The following ARID4B variants were observed in gnomAD, a reference collection of about 807,000 sequenced individuals.
ARID4B encodes AT-rich interactive domain-containing protein 4B.
Under a neutral mutation model 147.5 loss-of-function variants are expected in ARID4B, and 26 were observed. The observed-to-expected ratio is 0.18, with a 90% confidence interval of 0.13 to 0.24. The LOEUF (loss-of-function observed/expected upper bound fraction) is 0.24, where lower values mean the gene tolerates loss of function less well. Ranked by LOEUF, ARID4B falls within the 10% of genes least tolerant of loss-of-function variation. The pLI is 1.00. For synonymous variants in ARID4B, 512 were observed against 507.9 expected (o/e 1.01, Z -0.11); for missense variants, 1,179 against 1,511.5 (o/e 0.78, Z 3.65).
At chr1:235,175,652 A>G (rs922099873) in intron 21 of ARID4B, 1 of 433,748 alleles carries the variant, frequency 2.3e-6, no homozygotes, top group African/African-American at 2.0e-5. Context: ...TGCTTGGTAG[A>G]CTGTCAAATA....
chr1:235,275,937 G>C (rs1195794537), intron 2 of ARID4B, among the ~76,000 whole-genome samples: 3 of 152,198 alleles, frequency 2.0e-5, no homozygotes, highest in Non-Finnish European at 2.9e-5. Context: ...AGGAGTTCAA[G>C]ACCAGCCGGG....
rs1380878663 is a variant in ARID4B, at chr1:235,196,069, T to C, written c.1888A>G (p.Lys630Glu). The change falls in exon 18 of 24, where the codon AAA (lysine) becomes GAA (glutamate). Residue 630 changes from lysine (K) to glutamate (E), a missense_variant. By Grantham distance (56) the Lys-to-Glu change is moderately conservative. This residue lies in a region of ARID4B where 321 missense variants were observed against 342.4 expected (regional missense o/e 0.94). Transcript: ENST00000264183. The part of the protein sequence containing the change: ...KADKIVRPAD[K>E]NVPKIKHRKK... The stretch of plus-strand genomic sequence containing the variant: ...CGATGTTTTATCTTTGGCACATTTT[T>C]ATCAGCAGGTCTTACTATTTTATCT... 6.2e-7 allele frequency: 1 copy of C among 1,601,818 alleles called. No individual in the cohort carries two copies. Among genetic ancestry groups the C allele is most frequent in the Non-Finnish European group, 8.5e-7 (1 of 1,174,670 alleles).
intron 2 of ARID4B, among the ~76,000 whole-genome samples, chr1:235,272,584 A>T (rs1212083213): frequency 6.6e-6 from 1 of 152,152 alleles, no homozygotes; most frequent in Non-Finnish European, 1.5e-5. Context: ...TTAGGTTCAT[A>T]ACTTACTAGA....
intron 9 of ARID4B, among the ~76,000 whole-genome samples, chr1:235,233,930 T>C (rs1668399328): frequency 6.6e-6 from 1 of 152,036 alleles, no homozygotes; most frequent in Non-Finnish European, 1.5e-5. Flanking sequence ...AATATAAAAA[T>C]TAGCTGGGTG....
At chr1:235,197,553 G>A (rs1171029627) in intron 17 of ARID4B, among the ~76,000 whole-genome samples, 3 of 152,178 alleles carry the variant, frequency 2.0e-5, no homozygotes, top group Non-Finnish European at 4.4e-5. Flanking sequence ...GATGCTGAGG[G>A]CCGTAATAAG....
intron 2 of ARID4B, among the ~76,000 whole-genome samples, chr1:235,271,281 G>C (rs1195793160): frequency 1.3e-5 from 2 of 152,168 alleles, no homozygotes; most frequent in African/African-American, 4.8e-5. Context: ...CTTGAGCCCA[G>C]GAGGTTGTGG....
chr1:235,225,605 T>G (rs1262705746), intron 11 of ARID4B, among the ~76,000 whole-genome samples: 1 of 152,200 alleles, frequency 6.6e-6, no homozygotes, highest in Non-Finnish European at 1.5e-5. Flanking sequence ...AGCCTACTGT[T>G]ACAGAACATG....
chr1:235,313,556 G>A (rs965294634), intron 2 of ARID4B, among the ~76,000 whole-genome samples: 7 of 152,120 alleles, frequency 4.6e-5, no homozygotes, highest in Non-Finnish European at 8.8e-5. Context: ...CATCAGAACA[G>A]TATTCTGATC....
At chr1:235,230,441 CAAAA>C (rs925591735) in intron 10 of ARID4B, among the ~76,000 whole-genome samples, 1 of 100,310 alleles carries the variant, frequency 1.0e-5, no homozygotes, top group African/African-American at 4.0e-5. Context: ...CAAAACAAAA[CAAAA>C]AAAACAACAA....
At chr1:235,196,616 G>C (rs1250358718) in intron 17 of ARID4B, among the ~76,000 whole-genome samples, 1 of 152,086 alleles carries the variant, frequency 6.6e-6, no homozygotes, top group Non-Finnish European at 1.5e-5. Flanking sequence ...ACTTTTGGGA[G>C]ACCAAGGCGG....
intron 2 of ARID4B, among the ~76,000 whole-genome samples, chr1:235,298,459 A>C (rs1265028104): frequency 6.7e-6 from 1 of 149,594 alleles, no homozygotes; most frequent in African/African-American, 2.4e-5. Context: ...ATTACATTAT[A>C]TATATCCATA....
rs1011536254 is a variant in ARID4B at position 235,181,907 on chromosome 1, G to T, written c.3012C>A (p.Val1004=). 6.2e-7 allele frequency: 1 copy of T among 1,614,116 alleles called. No individual in the cohort carries two copies. The highest frequency in any genetic ancestry group is 8.5e-7 in the Non-Finnish European group (1 of 1,180,000). The change falls in exon 20 of 24, where the codon GTC becomes GTA. Residue 1004 remains valine (V), a synonymous_variant. Coordinates refer to ENST00000264183, the MANE Select transcript of ARID4B (RefSeq NM_016374.6). The part of the protein sequence containing the change: ...SKPIEEKTVE[V]NDRKAEFPSS... ...TTGGAAATTCTGCTTTTCTGTCATT[G>T]ACCTCTACTGTTTTTTCTTCAATGG...
chr1:235,180,933 G>T, intron 20 of ARID4B: 1 of 183,934 alleles, frequency 5.4e-6, no homozygotes, highest in Non-Finnish European at 1.1e-5. Flanking sequence ...CTTTGGGAAG[G>T]TACCGATTTG....
intron 2 of ARID4B, among the ~76,000 whole-genome samples, chr1:235,281,017 A>G (rs1031215784): frequency 6.6e-6 from 1 of 152,160 alleles, no homozygotes; most frequent in African/African-American, 2.4e-5. Context: ...AACAGAAAAA[A>G]AAAAGCGGTT....
At chr1:235,255,025 A>G (rs886305632) in intron 5 of ARID4B, among the ~76,000 whole-genome samples, 11 of 151,880 alleles carry the variant, frequency 7.2e-5, no homozygotes, top group African/African-American at 2.7e-4. Flanking sequence ...TTCAACCTCT[A>G]TTTCTCAGTA....
intron 2 of ARID4B, among the ~76,000 whole-genome samples, chr1:235,306,060 A>G (rs1000874977): frequency 1.2e-4 from 18 of 152,232 alleles, no homozygotes; most frequent in African/African-American, 4.1e-4. Flanking sequence ...AACAAAAACA[A>G]TAATAATTAC....
intron 2 of ARID4B, among the ~76,000 whole-genome samples, chr1:235,272,771 C>G (rs927273593): frequency 1.3e-5 from 2 of 151,768 alleles, no homozygotes; most frequent in Non-Finnish European, 2.9e-5. Flanking sequence ...GCCTATTACA[C>G]ATAAAATCAC....
chr1:235,177,901 T>A lies in ARID4B; in HGVS notation c.3347A>T (p.Gln1116Leu). Residue 1116 changes from glutamine to leucine, a missense_variant, in exon 21 of 24, where the codon CAG (glutamine) becomes CTG (leucine). Gln to Leu is a moderately radical substitution (Grantham distance 113). Around this residue, in one of 10 missense-constraint regions of ARID4B, gnomAD observed 357 missense variants for 427.3 expected, o/e 0.84. Transcript: ENST00000264183. ...PEHPEKACTG[Q>L]KRVKDAQGGG... ...TCCCTGAGCATCTTTCACTCTTTTC[T>A]GACCTGTACAGGCTATGAAGGGAAA... 1 of 1,604,894 alleles carries A rather than the reference T, an allele frequency of 6.2e-7. No homozygotes were observed. The highest frequency in any genetic ancestry group is 1.1e-5 in the South Asian group (1 of 89,844).
At chr1:235,265,090 C>A (rs896408051) in intron 2 of ARID4B, among the ~76,000 whole-genome samples, 31 of 146,724 alleles carry the variant, frequency 2.1e-4, no homozygotes, top group African/African-American at 7.1e-4. Context: ...CGGCTGGGCA[C>A]GGTGGCTCAT....
Sources: allele counts gnomAD v4.1 joint callset (sites outside exome capture counted in the v4.1 genomes callset), GRCh38; gene constraint gnomAD v4.1.1; regional missense constraint gnomAD v4.1.1; transcripts MANE v1.5; gene names NCBI Gene and HGNC (gene_info 2026-07-23, HGNC 2026-07-21).